The following ZNF557 variants were observed in gnomAD, a reference collection of about 807,000 sequenced individuals.
The protein encoded by ZNF557 is CTB-25J19.9.
A neutral mutation model predicts 21.2 loss-of-function variants in ZNF557; 19 were observed. That is an observed-to-expected ratio of 0.90 (90% CI 0.63 to 1.32). The LOEUF (loss-of-function observed/expected upper bound fraction) is 1.32. ZNF557 is among the 40% of genes most tolerant of loss of function. The pLI, the probability that ZNF557 is intolerant of heterozygous loss-of-function variation, is 0.00. For missense variants in ZNF557, 487 were observed against 519.8 expected, an observed-to-expected ratio of 0.94 and a Z score of 0.61; for synonymous variants, 207 against 194.8, an observed-to-expected ratio of 1.06 and a Z score of -0.52.
At chr19:7,073,275 C>G (rs766756037) in intron 2 of ZNF557, among the ~76,000 whole-genome samples, 34 of 151,592 alleles carry the variant, frequency 2.2e-4, no homozygotes, top group Non-Finnish European at 4.3e-4. Context: ...CTCATCCTCC[C>G]AAGTAGCTGG....
intron 5 of ZNF557, among the ~76,000 whole-genome samples, 191 bp from the exon 6 acceptor site, chr19:7,081,169 G>T: frequency 9.8e-6 from 1 of 101,720 alleles, no homozygotes; most frequent in South Asian, 2.9e-4. Context: ...GTGTGTGTGT[G>T]TGTGTGTGTG....
chr19:7,074,631 T>G (rs1599838946), intron 2 of ZNF557, among the ~76,000 whole-genome samples: 3 of 142,530 alleles, frequency 2.1e-5, no homozygotes, highest in African/African-American at 5.3e-5. Flanking sequence ...GAGTGGGGAG[T>G]GGGGAGGAGG....
intron 2 of ZNF557, among the ~76,000 whole-genome samples, chr19:7,072,439 G>A (rs979467252): frequency 2.0e-5 from 3 of 152,092 alleles, no homozygotes; most frequent in East Asian, 1.9e-4. Context: ...AATACATAAA[G>A]ATAAATTTGC....
rs1159534520 is a variant in ZNF557, at chr19:7,083,560, A to G, written c.1109A>G (p.His370Arg). 4 of 1,614,220 alleles carry G rather than the reference A, an allele frequency of 2.5e-6. No individual in the cohort carries two copies. Among genetic ancestry groups the G allele is most frequent in the Non-Finnish European group, 3.4e-6 (4 of 1,180,030 alleles). Residue 370 changes from histidine to arginine, a missense_variant, in exon 8 of 8, where the codon CAT becomes CGT. Physicochemically the swap from His to Arg is conservative, Grantham distance 29. Coordinates refer to ENST00000252840, the MANE Select transcript of ZNF557 (RefSeq NM_024341.3). ...TCTCTTACAATTCACAGGAGAATAC[A>G]TAATGGAGAGAAATCCTATGAGTGC... ...SFSLTIHRRIHNGEKSYECSD... is the reference protein window; with the variant it reads ...SFSLTIHRRIRNGEKSYECSD...
At position 7,082,057 on chromosome 19, in the gene ZNF557, G is replaced by A. The variant is rs772916916; in HGVS notation, c.426+5G>A. On this transcript the variant is annotated splice_donor_5th_base_variant and intron_variant, in intron 7 of 7. Coordinates refer to ENST00000252840, the MANE Select transcript of ZNF557 (RefSeq NM_024341.3). ...CAATCTAGAAATATGAAAATGGTAA[G>A]ACTAACATGGGTGATTCCTGGTTTT... 5 of 1,607,356 alleles carry A rather than the reference G, an allele frequency of 3.1e-6. No homozygotes were observed. Among genetic ancestry groups the A allele is most frequent in the Admixed American group, 3.3e-5 (2 of 59,970 alleles).
Position 7,083,004 on chromosome 19 carries a change from T to C in ZNF557, c.553T>C (p.Cys185Arg). ...TGERPYGCSE[C>R]GKSYSSRSYL... ...AGAAAGACCCTATGGCTGCAGTGAA[T>C]GTGGGAAATCCTACAGCAGTAGATC... The change falls in exon 8 of 8, where the codon TGT (cysteine) becomes CGT (arginine). Residue 185 changes from cysteine to arginine, a missense_variant. Physicochemically the swap from Cys to Arg is radical, Grantham distance 180. Coordinates refer to ENST00000252840, the MANE Select transcript of ZNF557 (RefSeq NM_024341.3). The C allele has an allele frequency of 6.2e-7, 1 of 1,614,196 alleles. No homozygotes were observed. The highest frequency in any genetic ancestry group is 8.5e-7 in the Non-Finnish European group (1 of 1,180,042).
rs752952843 is a variant in ZNF557 at position 7,083,754 on chromosome 19, CTG to C, written c.*13_*14del. 8.3e-5 allele frequency: 131 copies of C among 1,581,004 alleles called. 1 individual carries two copies. In the East Asian group the frequency reaches 1.2e-3, roughly 15 times the overall value. On this transcript the variant is annotated 3_prime_UTR_variant, in exon 8 of 8. Coordinates refer to ENST00000252840, the MANE Select transcript of ZNF557 (RefSeq NM_024341.3). ...TAATAGGCAAATGTGAATTCAATAA[CTG>C]TGGGAAAAGCATTCATTGATCTTTC... is the stretch of plus-strand genomic sequence containing the variant.
intron 5 of ZNF557, among the ~76,000 whole-genome samples, chr19:7,077,586 G>A (rs751442539): frequency 3.9e-5 from 6 of 152,112 alleles, no homozygotes; most frequent in Admixed American, 2.0e-4. Flanking sequence ...TTTGGCTATT[G>A]TGGGTAGTGC....
At position 7,086,992 on chromosome 19, in the gene ZNF557, A is replaced by T. The variant is rs1357569637; in HGVS notation, c.*3248A>T. On this transcript the variant is annotated 3_prime_UTR_variant, in exon 8 of 8. Coordinates refer to ENST00000252840, the MANE Select transcript of ZNF557 (RefSeq NM_024341.3). ...TGCAGTGAGCCGAGATTGCACAACCACACTCCAGCTTGGGCGACAGAGTGA... is the reference window on the plus strand; with the variant it reads ...TGCAGTGAGCCGAGATTGCACAACCTCACTCCAGCTTGGGCGACAGAGTGA... 1.3e-5 allele frequency: 2 copies of T among 151,836 alleles called. No individual in the cohort carries two copies. Among genetic ancestry groups the T allele is most frequent in the African/African-American group, 2.4e-5 (1 of 41,338 alleles). 9.4% of individuals were successfully genotyped at this position (151,836 alleles called of 1,614,324 possible). A position where few individuals can be genotyped will look rare whatever the true frequency, so the allele number is the denominator to read the frequency against.
intron 5 of ZNF557, among the ~76,000 whole-genome samples, chr19:7,077,690 C>T (rs1039351286): frequency 2.0e-5 from 3 of 152,130 alleles, no homozygotes; most frequent in Admixed American, 6.5e-5. Context: ...TGTGGTAATT[C>T]TGTGTTTAAT....
At chr19:7,071,851 A>G (rs1977467407) in intron 2 of ZNF557, among the ~76,000 whole-genome samples, 1 of 143,526 alleles carries the variant, frequency 7.0e-6, no homozygotes, top group African/African-American at 2.6e-5. Flanking sequence ...CACGCCTGTA[A>G]TCCCAGCACT....
intron 5 of ZNF557, among the ~76,000 whole-genome samples, 186 bp from the exon 6 acceptor site, chr19:7,081,150 GGTGTGTGTGTGTGTGTGTGTGTGT>G (rs531191945): frequency 2.1e-4 from 29 of 139,106 alleles, no homozygotes; most frequent in Non-Finnish European, 2.4e-4. Context: ...TTGCTTGTGG[GGTGTGTGTGTGTGTGTGTGTGTGT>G]GTGTGTGTGT....
chr19:7,079,419 A>T (rs1219031457), intron 5 of ZNF557, among the ~76,000 whole-genome samples: 7 of 71,716 alleles, frequency 9.8e-5, no homozygotes, highest in East Asian at 5.8e-4. Context: ...TTTTTTATAT[A>T]TTTAGTAGAG....
intron 5 of ZNF557, among the ~76,000 whole-genome samples, 158 bp from the exon 6 acceptor site, chr19:7,081,196 TGTGTGA>T (rs1177180292): frequency 0.016 from 634 of 38,464 alleles, 6 homozygotes; most frequent in African/African-American, 0.047. Flanking sequence ...TGTGTGTGTG[TGTGTGA>T]GTGTTTAAGA....
At chr19:7,079,314 T>A (rs1977647003) in intron 5 of ZNF557, among the ~76,000 whole-genome samples, 2 of 146,620 alleles carry the variant, frequency 1.4e-5, no homozygotes, top group South Asian at 4.4e-4. Flanking sequence ...CAATCTTGGC[T>A]AACTGCAAGC....
chr19:7,087,441 G>A lies in ZNF557; in HGVS notation c.*3697G>A, dbSNP rs2145183844. 1 of 151,380 alleles carries A rather than the reference G, an allele frequency of 6.6e-6. No individual in the cohort carries two copies. Among genetic ancestry groups the A allele is most frequent in the Non-Finnish European group, 1.5e-5 (1 of 67,846 alleles). The allele number at this position is 151,380 out of a possible 1,614,324, so 9.4% of individuals were successfully genotyped here. On this transcript the variant is annotated 3_prime_UTR_variant, in exon 8 of 8. Coordinates refer to ENST00000252840, the MANE Select transcript of ZNF557 (RefSeq NM_024341.3). ...TGTAATCTCAGCTACTTGGAAGGCT[G>A]AGGCAGGAGAATTGCTTCAAACTGG...
At chr19:7,079,535 C>A (rs1005634273) in intron 5 of ZNF557, among the ~76,000 whole-genome samples, 18 of 152,014 alleles carry the variant, frequency 1.2e-4, no homozygotes, top group African/African-American at 3.9e-4. Flanking sequence ...CCACCGCGCC[C>A]GGCCCATTTT....
chr19:7,075,618 A>C, intron 3 of ZNF557, 37 bp from the exon 4 acceptor site: 1 of 1,602,604 alleles, frequency 6.2e-7, no homozygotes, highest in Non-Finnish European at 8.5e-7. Context: ...GACACAGGGC[A>C]GGTGTGGATT....
intron 5 of ZNF557, among the ~76,000 whole-genome samples, chr19:7,077,524 A>G (rs1977611742): frequency 6.6e-6 from 1 of 152,090 alleles, no homozygotes. Context: ...TGTATATACC[A>G]CTTTTTATAT....
Sources: allele counts gnomAD v4.1 joint callset (sites outside exome capture counted in the v4.1 genomes callset), GRCh38; gene constraint gnomAD v4.1.1; transcripts MANE v1.5; gene names NCBI Gene and HGNC (gene_info 2026-07-23, HGNC 2026-07-21).